DGKB: variants seen among roughly 807,000 people sequenced by gnomAD.
DGKB encodes the protein 90 kDa diacylglycerol kinase.
Under a neutral mutation model 114.3 loss-of-function variants are expected in DGKB, and 67 were observed. The ratio of observed to expected loss-of-function variants is 0.59; its 90% confidence interval spans 0.48 to 0.72. The LOEUF (loss-of-function observed/expected upper bound fraction) is 0.72. DGKB is among the 30% of genes least tolerant of loss of function. The pLI, the probability that DGKB is intolerant of heterozygous loss-of-function variation, is 0.00. For missense variants in DGKB, 907 were observed against 975.2 expected (o/e 0.93, Z 0.93); for synonymous variants, 398 against 323.1 (o/e 1.23, Z -2.49).
intron 1 of DGKB, among the ~76,000 whole-genome samples, chr7:14,921,369 T>G (rs775388410): frequency 6.6e-6 from 1 of 152,288 alleles, no homozygotes; most frequent in African/African-American, 2.4e-5. Context: ...ACTACTTGCT[T>G]AATTTTTCTG....
At chr7:14,234,330 A>G (rs1792418062) in intron 23 of DGKB, among the ~76,000 whole-genome samples, 1 of 152,102 alleles carries the variant, frequency 6.6e-6, no homozygotes, top group South Asian at 2.1e-4. Flanking sequence ...CTCCAAAAGT[A>G]AGTGTAAGAT....
chr7:14,843,112 G>T (rs1343122318), intron 1 of DGKB, among the ~76,000 whole-genome samples: 2 of 151,758 alleles, frequency 1.3e-5, no homozygotes, highest in Non-Finnish European at 1.5e-5. Context: ...GAATAGTGGG[G>T]GAGCTGAGGT....
intron 21 of DGKB, among the ~76,000 whole-genome samples, chr7:14,463,677 GTATT>G (rs1833415820): frequency 6.6e-6 from 1 of 152,238 alleles, no homozygotes; most frequent in African/African-American, 2.4e-5. Flanking sequence ...CATCAAATGA[GTATT>G]TATCTAGACA....
intron 23 of DGKB, among the ~76,000 whole-genome samples, chr7:14,331,963 G>T (rs968343130): frequency 6.6e-6 from 1 of 152,092 alleles, no homozygotes; most frequent in Non-Finnish European, 1.5e-5. Flanking sequence ...GGATATGTTT[G>T]GTGCAAAGTA....
chr7:14,816,171 T>C (rs1844121038), intron 2 of DGKB, among the ~76,000 whole-genome samples: 1 of 151,850 alleles, frequency 6.6e-6, no homozygotes, highest in Non-Finnish European at 1.5e-5. Context: ...TCTCTACTAA[T>C]AAAAATACAA....
intron 20 of DGKB, among the ~76,000 whole-genome samples, chr7:14,509,842 G>A (rs1168642381): frequency 1.3e-5 from 2 of 152,182 alleles, no homozygotes; most frequent in South Asian, 4.1e-4. Flanking sequence ...CAGTAGGAAA[G>A]TGAGTCACAC....
At chr7:14,465,954 G>A (rs1780407091) in intron 21 of DGKB, among the ~76,000 whole-genome samples, 1 of 151,838 alleles carries the variant, frequency 6.6e-6, no homozygotes, top group Non-Finnish European at 1.5e-5. Flanking sequence ...TTATCCATCG[G>A]ATTTGCATGA....
At position 14,148,368 on chromosome 7, in the gene DGKB, G is replaced by T. The variant is rs1323952638; in HGVS notation, c.*763C>A. 1 of 152,486 alleles carries T rather than the reference G, an allele frequency of 6.6e-6. No homozygotes were observed. Among genetic ancestry groups the T allele is most frequent in the Non-Finnish European group, 1.5e-5 (1 of 67,998 alleles). 9.4% of individuals were successfully genotyped at this position (152,486 alleles called of 1,614,324 possible). On this transcript the variant is annotated 3_prime_UTR_variant, in exon 26 of 26. Transcript: ENST00000402815. Reference sequence around the variant, plus strand: ...GCACATAGTTTAAAACTTCTATTTCGTTATTGGTGTGGTTATGAATTCTCT... The same window carrying T: ...GCACATAGTTTAAAACTTCTATTTCTTTATTGGTGTGGTTATGAATTCTCT...
At chr7:14,726,962 G>A (rs7796014) in intron 5 of DGKB, among the ~76,000 whole-genome samples, 151 of 152,274 alleles carry the variant, frequency 9.9e-4, no homozygotes, top group African/African-American at 3.5e-3. Flanking sequence ...CAACACCATT[G>A]CATATTTTCT....
At chr7:14,167,237 T>G (rs1784742738) in intron 25 of DGKB, among the ~76,000 whole-genome samples, 2 of 143,658 alleles carry the variant, frequency 1.4e-5, no homozygotes, top group South Asian at 4.6e-4. Context: ...AAAATTCTGT[T>G]AATCATTTCC....
At chr7:14,723,586 T>TAC (rs1276972353) in intron 5 of DGKB, among the ~76,000 whole-genome samples, 2 of 148,360 alleles carry the variant, frequency 1.3e-5, no homozygotes, top group African/African-American at 5.3e-5. Context: ...TGTGTGTGTA[T>TAC]ATACACATAC....
At chr7:14,445,071 TC>T (rs929636443) in intron 21 of DGKB, among the ~76,000 whole-genome samples, 5 of 151,890 alleles carry the variant, frequency 3.3e-5, no homozygotes, top group African/African-American at 1.2e-4. Flanking sequence ...CCACTATTGT[TC>T]CCACCTCGGT....
intron 1 of DGKB, among the ~76,000 whole-genome samples, chr7:14,933,506 C>G (rs1393910265): frequency 1.3e-5 from 2 of 152,124 alleles, no homozygotes; most frequent in Non-Finnish European, 2.9e-5. Flanking sequence ...ACATTTGTAT[C>G]TCTCTTCTGC....
intron 20 of DGKB, among the ~76,000 whole-genome samples, chr7:14,554,881 AC>A (rs2093119805): frequency 6.6e-6 from 1 of 152,054 alleles, no homozygotes; most frequent in African/African-American, 2.4e-5. Flanking sequence ...AAGTTTATTC[AC>A]CCTATCTTTA....
At chr7:14,744,897 C>T (rs572103330) in intron 4 of DGKB, among the ~76,000 whole-genome samples, 2 of 152,136 alleles carry the variant, frequency 1.3e-5, no homozygotes, top group Non-Finnish European at 2.9e-5. Flanking sequence ...CCAGCAATTT[C>T]TGGCTACAAC....
At chr7:14,940,911 G>A (rs1785537753) in intron 1 of DGKB, among the ~76,000 whole-genome samples, 2 of 151,964 alleles carry the variant, frequency 1.3e-5, no homozygotes, top group Non-Finnish European at 2.9e-5. Flanking sequence ...GACACAGCAT[G>A]ATATTTACTG....
At chr7:14,730,025 C>G (rs528826735) in intron 5 of DGKB, among the ~76,000 whole-genome samples, 1 of 152,132 alleles carries the variant, frequency 6.6e-6, no homozygotes, top group African/African-American at 2.4e-5. Flanking sequence ...AAAACTGTTA[C>G]GCTGACCTGC....
chr7:14,241,984 A>ATT (rs1793744408), intron 23 of DGKB, among the ~76,000 whole-genome samples: 2 of 151,230 alleles, frequency 1.3e-5, no homozygotes, highest in Non-Finnish European at 3.0e-5. Flanking sequence ...ACACACACAC[A>ATT]CACATATATA....
In DGKB at chr7:14,685,348, A is replaced by C. The variant is rs534153334; in HGVS notation, c.726T>G (p.Asp242Glu). The change falls in exon 10 of 26, where the codon GAT becomes GAG. Residue 242 changes from aspartate (D) to glutamate (E), a missense_variant. Coordinates refer to ENST00000402815, the MANE Select transcript of DGKB (RefSeq NM_001350709.2). ...LLGLENNVKD[D>E]GQHVWRLKHF... ...GCTTCAGTCGCCACACGTGCTGTCC[A>C]TCATCCTTCACGTTCTGCATGGGAC... 2 of 1,613,394 alleles carry C rather than the reference A, an allele frequency of 1.2e-6. No individual in the cohort carries two copies. The highest frequency in any genetic ancestry group is 1.7e-6 in the Non-Finnish European group (2 of 1,179,366).
Sources: allele counts gnomAD v4.1 joint callset (sites outside exome capture counted in the v4.1 genomes callset), GRCh38; gene constraint gnomAD v4.1.1; transcripts MANE v1.5; gene names NCBI Gene and HGNC (gene_info 2026-07-23, HGNC 2026-07-21).